AK8: variants seen among roughly 807,000 people sequenced by gnomAD.
AK8 encodes the protein ATP-AMP transphosphorylase 8.
AK8 carries 44 observed loss-of-function variants against 54.6 expected under a neutral mutation model. The observed-to-expected ratio is 0.81, with a 90% CI of 0.63 to 1.04. The LOEUF (loss-of-function observed/expected upper bound fraction) is 1.04, where lower values mean the gene tolerates loss of function less well. AK8 is among the 50% of genes least tolerant of loss of function. The pLI is 0.00. For missense variants in AK8, 555 were observed against 613.6 expected (o/e 0.90, Z 1.01); for synonymous variants, 239 against 245.6 (o/e 0.97, Z 0.25).
chr9:132,751,112 C>T (rs767326201), intron 11 of AK8, among the ~76,000 whole-genome samples: 3 of 151,734 alleles, frequency 2.0e-5, no homozygotes, highest in South Asian at 2.1e-4. Context: ...TGCCGGGTGC[C>T]GTGGCTCACG....
intron 4 of AK8, among the ~76,000 whole-genome samples, chr9:132,859,307 T>C (rs1471278284): frequency 6.6e-6 from 1 of 151,994 alleles, no homozygotes; most frequent in East Asian, 1.9e-4. Context: ...CAGGCTGGAG[T>C]GCAGTGGAAC....
At chr9:132,777,663 A>C (rs1839281159) in intron 11 of AK8, among the ~76,000 whole-genome samples, 1 of 152,106 alleles carries the variant, frequency 6.6e-6, no homozygotes. Context: ...GGTTAAGGAG[A>C]CTTGAGGCTT....
chr9:132,801,781 T>C (rs1303977992), intron 10 of AK8, among the ~76,000 whole-genome samples: 1 of 152,242 alleles, frequency 6.6e-6, no homozygotes, highest in Non-Finnish European at 1.5e-5. Flanking sequence ...CTAATACAAA[T>C]ATTAATTCAT....
chr9:132,823,209 G>A lies in AK8; in HGVS notation c.885C>T (p.Val295=). ...CCCAGCACCTGGGGCACTCACCATT[G>A]ACAAGCCTGTATTTCTGGGCCAGGA... The part of the protein sequence containing the change: ...AALLAQKYRL[V]NVCCGQLLKE... The change falls in exon 9 of 13, where the codon GTC becomes GTT. Residue 295 remains valine (V), a synonymous_variant. Coordinates refer to ENST00000298545, the MANE Select transcript of AK8 (RefSeq NM_152572.3). 1 of 1,578,036 alleles carries A rather than the reference G, an allele frequency of 6.3e-7. No homozygotes were observed. Among genetic ancestry groups the A allele is most frequent in the East Asian group, 2.3e-5 (1 of 43,920 alleles).
chr9:132,739,172 G>A (rs576706045), intron 11 of AK8, among the ~76,000 whole-genome samples: 2 of 151,886 alleles, frequency 1.3e-5, no homozygotes, highest in South Asian at 2.1e-4. Context: ...TTTCTGGGCT[G>A]GGCGTGGTGG....
chr9:132,795,442 A>G (rs1840122028), intron 10 of AK8, among the ~76,000 whole-genome samples: 1 of 152,124 alleles, frequency 6.6e-6, no homozygotes, highest in Non-Finnish European at 1.5e-5. Context: ...CTGTCCTCTG[A>G]TCCAGAGACC....
At chr9:132,784,289 G>GT (rs34156644) in intron 11 of AK8, among the ~76,000 whole-genome samples, 3,726 of 152,050 alleles carry the variant, frequency 0.025, 149 homozygotes, top group African/African-American at 0.085. Flanking sequence ...GGAGGTTGAG[G>GT]GGGTGGATCA....
chr9:132,797,819 C>T (rs106906), intron 10 of AK8, among the ~76,000 whole-genome samples: 32,815 of 152,126 alleles, frequency 0.22, 3,862 homozygotes, highest in East Asian at 0.43. Flanking sequence ...AGGCCATGGG[C>T]GGCTCTCCCT....
At chr9:132,757,657 A>G (rs576303254) in intron 11 of AK8, among the ~76,000 whole-genome samples, 2 of 152,330 alleles carry the variant, frequency 1.3e-5, no homozygotes, top group African/African-American at 4.8e-5. Context: ...GCAACCGCAG[A>G]GGTGGATCTG....
At chr9:132,878,289 G>A, upstream of AK8, 3 of 1,333,162 alleles carry the variant, frequency 2.3e-6, no homozygotes, top group Non-Finnish European at 2.9e-6. The surrounding 1 kb of genome is among the most constrained non-coding windows in gnomAD (Gnocchi z 4.7). Context: ...CCTAGTAACC[G>A]CGTCGCTAGG....
chr9:132,806,666 T>C (rs1840740272), intron 10 of AK8, among the ~76,000 whole-genome samples: 1 of 152,244 alleles, frequency 6.6e-6, no homozygotes, highest in African/African-American at 2.4e-5. Context: ...AACTGGTCTA[T>C]GGTCGATCTT....
Position 132,791,926 on chromosome 9 carries a change from T to C in AK8, c.1121+708A>G, listed in dbSNP as rs185885007. 7.2e-5 allele frequency among the ~76,000 whole-genome samples: 11 copies of C among 152,328 alleles called. No individual in the cohort carries two copies. Among genetic ancestry groups the C allele is most frequent in the African/African-American group, 2.6e-4 (11 of 41,572 alleles). On this transcript the variant is annotated intron_variant, in intron 11 of 12. Coordinates refer to ENST00000298545, the MANE Select transcript of AK8 (RefSeq NM_152572.3). This position sits in a 1 kb window ranked among gnomAD's most constrained non-coding sequence, Gnocchi z 4.0. ...CCAGTCACACAGGAGGCCCCGCCTC[T>C]AGTTAACCCACCCAGCTTCCCCAAG...
chr9:132,844,313 A>T (rs539906964), intron 5 of AK8, among the ~76,000 whole-genome samples: 1 of 151,270 alleles, frequency 6.6e-6, no homozygotes, highest in African/African-American at 2.4e-5. Context: ...AAAAAAAAAA[A>T]AAAGAAAAAA....
intron 11 of AK8, among the ~76,000 whole-genome samples, chr9:132,774,145 A>T (rs1249301212): frequency 6.6e-6 from 1 of 152,062 alleles, no homozygotes; most frequent in Non-Finnish European, 1.5e-5. Context: ...TATGACCTAG[A>T]ATCCACGCTC....
intron 11 of AK8, among the ~76,000 whole-genome samples, chr9:132,731,333 TTGACTGGA>T (rs1325846783): frequency 6.6e-6 from 1 of 152,154 alleles, no homozygotes; most frequent in Admixed American, 6.6e-5. Flanking sequence ...ATGTGTCACC[TTGACTGGA>T]TGAAGGAGCT....
chr9:132,742,494 C>A (rs1176676237), intron 11 of AK8, among the ~76,000 whole-genome samples: 2 of 152,184 alleles, frequency 1.3e-5, no homozygotes, highest in Non-Finnish European at 2.9e-5. Flanking sequence ...TTAACCCAAG[C>A]TTTTGAACCA....
chr9:132,732,647 C>A (rs1379873035), intron 11 of AK8, among the ~76,000 whole-genome samples: 9 of 152,142 alleles, frequency 5.9e-5, no homozygotes, highest in Non-Finnish European at 1.2e-4. Flanking sequence ...CCGGGGTTCC[C>A]TGGGGCCTGC....
chr9:132,746,523 A>G (rs2130996760), intron 11 of AK8, among the ~76,000 whole-genome samples: 1 of 152,356 alleles, frequency 6.6e-6, no homozygotes, highest in African/African-American at 2.4e-5. Context: ...CGAGGCTGAT[A>G]TGTGATAATC....
intron 5 of AK8, among the ~76,000 whole-genome samples, chr9:132,838,038 A>G (rs920513629): frequency 2.0e-5 from 3 of 152,244 alleles, no homozygotes; most frequent in Non-Finnish European, 2.9e-5. Flanking sequence ...CGTGAGTGTC[A>G]AAACAATGGC....
Sources: gnomAD v4.1 joint callset for allele counts (sites outside exome capture counted in the v4.1 genomes callset) on GRCh38, gnomAD v4.1.1 for gene constraint, Gnocchi (gnomAD v3.1) non-coding constraint, MANE v1.5 for transcripts, NCBI Gene and HGNC (gene_info 2026-07-23, HGNC 2026-07-21) for gene names.